Variants in CORO1C observed in about 807,000 individuals in gnomAD.
CORO1C encodes the protein coronin-1C.
In CORO1C, 14 loss-of-function variants were observed where a neutral mutation model predicts 51.2. That is an observed-to-expected ratio of 0.27 (90% CI 0.18 to 0.43). The LOEUF (loss-of-function observed/expected upper bound fraction) is 0.43. CORO1C is among the 20% of genes least tolerant of loss of function. The pLI is 1.00. For missense variants in CORO1C, 417 were observed against 607.8 expected (o/e 0.69, Z 3.30); for synonymous variants, 181 against 210.5 (o/e 0.86, Z 1.21).
intron 2 of CORO1C, among the ~76,000 whole-genome samples, chr12:108,700,376 T>C (rs1413754135): frequency 2.0e-5 from 3 of 152,280 alleles, no homozygotes; most frequent in East Asian, 3.9e-4. Flanking sequence ...AAAGTAACTA[T>C]AGATTTTGAT....
chr12:108,711,294 C>T (rs1240862103), intron 1 of CORO1C, among the ~76,000 whole-genome samples: 1 of 152,090 alleles, frequency 6.6e-6, no homozygotes. Flanking sequence ...TGCTTGAACC[C>T]AGGAAATCAA....
At chr12:108,667,144 G>A (rs557502911) in intron 3 of CORO1C, among the ~76,000 whole-genome samples, 18 of 151,174 alleles carry the variant, frequency 1.2e-4, no homozygotes, top group South Asian at 1.0e-3. Flanking sequence ...CCACTATGAC[G>A]CCATATATAT....
chr12:108,701,236 C>T lies in CORO1C; in HGVS notation c.83G>A (p.Arg28Gln), dbSNP rs1024262412. 11 of 1,614,158 alleles carry T rather than the reference C, an allele frequency of 6.8e-6. No individual in the cohort carries two copies. The highest frequency in any genetic ancestry group is 2.2e-5 in the East Asian group (1 of 44,888). Reference sequence around the variant, plus strand: ...ACTATCCCAGGTCACACGAGAAACCCGGATGTCATCATAGCACTGGTCATT... The same window carrying T: ...ACTATCCCAGGTCACACGAGAAACCTGGATGTCATCATAGCACTGGTCATT... ...VKNDQCYDDI[R>Q]VSRVTWDSSF... The change falls in exon 2 of 11, where the codon CGG becomes CAG. Residue 28 changes from arginine (R) to glutamine (Q), a missense_variant. Physicochemically the swap from Arg to Gln is conservative, Grantham distance 43. Coordinates refer to ENST00000261401, the MANE Select transcript of CORO1C (RefSeq NM_014325.4).
At chr12:108,656,472 G>T (rs2033020289) in intron 6 of CORO1C, among the ~76,000 whole-genome samples, 1 of 151,442 alleles carries the variant, frequency 6.6e-6, no homozygotes. Flanking sequence ...TCCGGGAGGT[G>T]GGGGGCGCCT....
chr12:108,673,499 G>A (rs2033793071), intron 3 of CORO1C, among the ~76,000 whole-genome samples: 1 of 152,232 alleles, frequency 6.6e-6, no homozygotes. Flanking sequence ...TTATCCGGAA[G>A]GTCTGGATAA....
intron 2 of CORO1C, among the ~76,000 whole-genome samples, chr12:108,689,842 T>A (rs974649550): frequency 1.3e-5 from 2 of 152,226 alleles, no homozygotes; most frequent in Non-Finnish European, 2.9e-5. Context: ...GGGTGATACA[T>A]ACTGAGAATT....
intron 1 of CORO1C, among the ~76,000 whole-genome samples, chr12:108,717,437 A>G (rs1471503400): frequency 2.0e-5 from 3 of 152,210 alleles, no homozygotes; most frequent in African/African-American, 7.2e-5. Context: ...GCATTTTAAA[A>G]GCTCACGCTG....
At chr12:108,698,115 C>T (rs1486164801) in intron 2 of CORO1C, among the ~76,000 whole-genome samples, 2 of 152,210 alleles carry the variant, frequency 1.3e-5, no homozygotes, top group Non-Finnish European at 2.9e-5. Flanking sequence ...GGGCCAAGCC[C>T]TGCCATAGCA....
Position 108,648,999 on chromosome 12 carries a change from T to C in CORO1C, c.1023A>G (p.Arg341=). The change falls in exon 9 of 11, where the codon AGA becomes AGG. Residue 341 remains arginine, a synonymous_variant. Transcript: ENST00000261401. ...EIARFFKLHE[R]KCEPIIMTVP... is the part of the protein sequence containing the mutation. ...CAGTCATAATAATAGGTTCACACTTTCTCTCATGAAGTTTGAAGAATCTTC... is the reference window on the plus strand; with the variant it reads ...CAGTCATAATAATAGGTTCACACTTCCTCTCATGAAGTTTGAAGAATCTTC... 1 of 1,614,226 alleles carries C rather than the reference T, an allele frequency of 6.2e-7. No individual in the cohort carries two copies. Among genetic ancestry groups the C allele is most frequent in the South Asian group, 1.1e-5 (1 of 91,086 alleles).
At position 108,726,825 on chromosome 12, in the gene CORO1C, T is replaced by A. The variant is rs561866434; in HGVS notation, c.-6+4604A>T. Reference sequence around the variant, plus strand: ...CGTGTTCGCTGGCCATCTACCCTACTGAGGAGACTGTGCGCCAGTCATTAC... The same window carrying A: ...CGTGTTCGCTGGCCATCTACCCTACAGAGGAGACTGTGCGCCAGTCATTAC... On this transcript the variant is annotated intron_variant, in intron 1 of 10. Coordinates refer to ENST00000261401, the MANE Select transcript of CORO1C (RefSeq NM_014325.4). Among the ~76,000 whole-genome samples the A allele has an allele frequency of 1.8e-4, 28 of 152,276 alleles. 1 individual carries two copies. The South Asian group carries it at 5.8e-3, about 32-fold the overall frequency.
intron 2 of CORO1C, among the ~76,000 whole-genome samples, chr12:108,685,585 A>T (rs1163692821): frequency 6.6e-6 from 1 of 151,756 alleles, no homozygotes; most frequent in Non-Finnish European, 1.5e-5. Context: ...TTGGATAGGG[A>T]AAGAAAATTT....
chr12:108,688,764 G>A (rs368101591), intron 2 of CORO1C, among the ~76,000 whole-genome samples: 5 of 152,210 alleles, frequency 3.3e-5, no homozygotes, highest in African/African-American at 7.2e-5. Flanking sequence ...GGCCGGGCAC[G>A]GTGGCTCACA....
intron 6 of CORO1C, among the ~76,000 whole-genome samples, chr12:108,656,355 G>A (rs1278523091): frequency 3.4e-5 from 5 of 148,406 alleles, no homozygotes; most frequent in East Asian, 2.1e-4. Context: ...GCCCCCACCC[G>A]GCCAGCCGCC....
chr12:108,664,257 C>T (rs1054063711), intron 3 of CORO1C, among the ~76,000 whole-genome samples: 1 of 152,062 alleles, frequency 6.6e-6, no homozygotes, highest in Non-Finnish European at 1.5e-5. Context: ...CACTAGAACA[C>T]GTGAGAAAAA....
chr12:108,656,153 C>T (rs1215670681), intron 6 of CORO1C, among the ~76,000 whole-genome samples: 5 of 58,886 alleles, frequency 8.5e-5, no homozygotes, highest in Non-Finnish European at 1.4e-4. Context: ...GCAGCCGCCC[C>T]GTCTGAGAAG....
At chr12:108,676,068 T>C (rs913420180) in intron 3 of CORO1C, among the ~76,000 whole-genome samples, 1 of 152,156 alleles carries the variant, frequency 6.6e-6, no homozygotes, top group Non-Finnish European at 1.5e-5. Flanking sequence ...AAAGACTACA[T>C]ATCAAGTTTT....
At chr12:108,702,758 T>C (rs2034912984) in intron 1 of CORO1C, 1 of 1,478,172 alleles carries the variant, frequency 6.8e-7, no homozygotes, top group African/African-American at 1.4e-5. Context: ...CACTGCTAAA[T>C]GCAGAGAGAC....
chr12:108,700,495 C>T (rs1341033734), intron 2 of CORO1C, among the ~76,000 whole-genome samples: 1 of 152,144 alleles, frequency 6.6e-6, no homozygotes, highest in African/African-American at 2.4e-5. Flanking sequence ...TGGAACCCTA[C>T]TGAAGTTGAA....
chr12:108,687,856 C>T (rs1326544322), intron 2 of CORO1C, among the ~76,000 whole-genome samples: 1 of 151,512 alleles, frequency 6.6e-6, no homozygotes, highest in Non-Finnish European at 1.5e-5. Flanking sequence ...GCTGTAAGGG[C>T]ACTTCCTATC....
Sources: gnomAD v4.1 joint callset for allele counts (sites outside exome capture counted in the v4.1 genomes callset) on GRCh38, gnomAD v4.1.1 for gene constraint, MANE v1.5 for transcripts, NCBI Gene and HGNC (gene_info 2026-07-23, HGNC 2026-07-21) for gene names.